Variants in BANF2 observed in about 807,000 individuals in gnomAD.
The protein encoded by BANF2 is barrier-to-autointegration factor-like protein.
In BANF2, 4 loss-of-function variants were observed where a neutral mutation model predicts 8.0. The observed-to-expected ratio is 0.50, with a 90% CI of 0.25 to 1.14. The LOEUF (loss-of-function observed/expected upper bound fraction) is 1.14, where lower values mean the gene tolerates loss of function less well. Ranked by LOEUF, BANF2 falls within the 50% of genes most tolerant of loss-of-function variation. BANF2 has a pLI of 0.16. For missense variants in BANF2, 96 were observed against 107.5 expected (o/e 0.89, Z 0.47); for synonymous variants, 50 against 40.6 (o/e 1.23, Z -0.88).
At chr20:17,718,124 C>T (rs1318469227) in intron 1 of BANF2, among the ~76,000 whole-genome samples, 1 of 152,122 alleles carries the variant, frequency 6.6e-6, no homozygotes, top group African/African-American at 2.4e-5. Context: ...GAAAATATTG[C>T]ATTTTTCCCA....
At chr20:17,724,954 CCA>C (rs1249549220) in intron 2 of BANF2, 67 bp from the exon 3 acceptor site, 3 of 1,473,524 alleles carry the variant, frequency 2.0e-6, no homozygotes, top group Non-Finnish European at 2.8e-6. Flanking sequence ...AGGGAGTTCC[CCA>C]GTGTCCATGC....
At chr20:17,726,140 T>C (rs2037806911) in intron 3 of BANF2, among the ~76,000 whole-genome samples, 2 of 152,192 alleles carry the variant, frequency 1.3e-5, no homozygotes, top group Non-Finnish European at 2.9e-5. Flanking sequence ...AGAACCATTC[T>C]CTGGGGAACA....
Position 17,701,756 on chromosome 20 carries a change from G to A in BANF2, c.-167+1701G>A, listed in dbSNP as rs950163188. Among the ~76,000 whole-genome samples, 7 of 152,160 alleles carry A rather than the reference G, an allele frequency of 4.6e-5. No homozygotes were observed. The South Asian group carries it at 6.2e-4, about 14-fold the overall frequency. On this transcript the variant is annotated intron_variant, in intron 1 of 3. Transcript: ENST00000246090. Reference sequence around the variant, plus strand: ...GGGAAGAACCATAGAGATCAGCTACGGGCCCCAGGTAGGAAAGAGGAACCC... The same window carrying A: ...GGGAAGAACCATAGAGATCAGCTACAGGCCCCAGGTAGGAAAGAGGAACCC...
intron 1 of BANF2, chr20:17,693,821 C>T: frequency 2.4e-6 from 3 of 1,247,702 alleles, no homozygotes; most frequent in Non-Finnish European, 3.4e-6. Flanking sequence ...GAGGTGCTTT[C>T]CCGAATTCTG....
chr20:17,694,721 T>C (rs553765756), intron 1 of BANF2, among the ~76,000 whole-genome samples: 34 of 148,194 alleles, frequency 2.3e-4, no homozygotes, highest in African/African-American at 7.5e-4. Context: ...CAGGCTCAAG[T>C]GATTCTCCTC....
chr20:17,708,831 A>C (rs998893214), intron 1 of BANF2, among the ~76,000 whole-genome samples: 1 of 152,204 alleles, frequency 6.6e-6, no homozygotes, highest in Non-Finnish European at 1.5e-5. Flanking sequence ...TAGAGGCGGA[A>C]CACCACCCTT....
At chr20:17,725,246 G>A in intron 3 of BANF2, 95 bp downstream of exon 3, 1 of 1,446,210 alleles carries the variant, frequency 6.9e-7, no homozygotes, top group South Asian at 1.3e-5. Context: ...TCCCTGTGAA[G>A]GGCCATCAGA....
chr20:17,700,579 T>C (rs1033603153), intron 1 of BANF2, among the ~76,000 whole-genome samples: 2 of 152,186 alleles, frequency 1.3e-5, no homozygotes, highest in Non-Finnish European at 2.9e-5. Context: ...GACCTGCTGG[T>C]ATATCAAATC....
chr20:17,729,296 T>C (rs2037859803), intron 3 of BANF2, among the ~76,000 whole-genome samples: 1 of 152,174 alleles, frequency 6.6e-6, no homozygotes, highest in Non-Finnish European at 1.5e-5. Flanking sequence ...TTGGAGCCTC[T>C]CTTGAAATGG....
chr20:17,712,410 T>C, intron 1 of BANF2: 1 of 438,996 alleles, frequency 2.3e-6, no homozygotes, highest in South Asian at 9.6e-5. Flanking sequence ...AAGTGACTGT[T>C]GTTGTCATCT....
rs75693886 is a variant in BANF2 at position 17,705,468 on chromosome 20, C to T, written c.-167+5413C>T. 3.4e-3 allele frequency among the ~76,000 whole-genome samples: 525 copies of T among 152,304 alleles called. 3 individuals are homozygous for T. Among genetic ancestry groups the T allele is most frequent in the African/African-American group, 0.012 (494 of 41,556 alleles). On this transcript the variant is annotated intron_variant, in intron 1 of 3. Coordinates refer to ENST00000246090, the MANE Select transcript of BANF2 (RefSeq NM_178477.5). ...GCACCAGAAGAATCTTGAAAATTAG[C>T]CAACGCATGTTCCACAGAACACTGG...
intron 3 of BANF2, among the ~76,000 whole-genome samples, chr20:17,732,474 A>C (rs1424618951): frequency 6.6e-6 from 1 of 152,228 alleles, no homozygotes; most frequent in African/African-American, 2.4e-5. Context: ...CTCCTGCCTC[A>C]GCCTCCCAAG....
At chr20:17,731,396 G>C (rs74717018) in intron 3 of BANF2, 1 of 152,206 alleles carries the variant, frequency 6.6e-6, no homozygotes, top group Non-Finnish European at 1.5e-5. Flanking sequence ...ATTGAAGTCC[G>C]TTCAGCACAG....
chr20:17,735,058 G>A (rs748725797), intron 3 of BANF2, among the ~76,000 whole-genome samples: 2 of 152,132 alleles, frequency 1.3e-5, no homozygotes, highest in African/African-American at 2.4e-5. Context: ...CGGCCTGGGC[G>A]ACAGAGCAAG....
intron 1 of BANF2, among the ~76,000 whole-genome samples, chr20:17,706,747 G>A (rs966521801): frequency 6.6e-6 from 1 of 152,180 alleles, no homozygotes; most frequent in African/African-American, 2.4e-5. Context: ...CTAAGAGAGG[G>A]GTAGCATTCA....
intron 1 of BANF2, among the ~76,000 whole-genome samples, chr20:17,694,096 G>A (rs942087346): frequency 2.4e-4 from 36 of 152,180 alleles, no homozygotes; most frequent in Admixed American, 1.9e-3. Context: ...GTACTTGTTC[G>A]TTCATTCAGT....
At chr20:17,714,675 A>AT (rs571252309) in intron 1 of BANF2, among the ~76,000 whole-genome samples, 68 of 149,930 alleles carry the variant, frequency 4.5e-4, no homozygotes, top group African/African-American at 1.2e-3. Context: ...GGAATTCAAA[A>AT]TTTTTTTTTT....
At chr20:17,717,723 A>G (rs2037676016) in intron 1 of BANF2, among the ~76,000 whole-genome samples, 1 of 152,242 alleles carries the variant, frequency 6.6e-6, no homozygotes, top group Non-Finnish European at 1.5e-5. Flanking sequence ...GATAATTTAT[A>G]AAACAAAATG....
At chr20:17,716,966 C>T (rs1456688461) in intron 1 of BANF2, among the ~76,000 whole-genome samples, 1 of 152,128 alleles carries the variant, frequency 6.6e-6, no homozygotes, top group Non-Finnish European at 1.5e-5. Flanking sequence ...ATCCTCCTGC[C>T]TTGGCCTCCC....
Sources: allele counts gnomAD v4.1 joint callset (sites outside exome capture counted in the v4.1 genomes callset), GRCh38; gene constraint gnomAD v4.1.1; transcripts MANE v1.5; gene names NCBI Gene and HGNC (gene_info 2026-07-23, HGNC 2026-07-21).